Variants in AGBL4 observed in about 807,000 individuals in gnomAD.
AGBL4 encodes cytosolic carboxypeptidase 6.
In AGBL4, 58 loss-of-function variants were observed where a neutral mutation model predicts 66.4. The observed-to-expected ratio is 0.87, with a 90% CI of 0.71 to 1.09. The LOEUF is 1.09. AGBL4 is among the 50% of genes least tolerant of loss of function. AGBL4 has a pLI of 0.00. For synonymous variants in AGBL4, 234 were observed against 222.9 expected (o/e 1.05, Z -0.44); for missense variants, 579 against 631.0 (o/e 0.92, Z 0.88).
At chr1:48,858,827 G>A (rs1420908618) in intron 6 of AGBL4, among the ~76,000 whole-genome samples, 1 of 152,106 alleles carries the variant, frequency 6.6e-6, no homozygotes, top group Non-Finnish European at 1.5e-5. Context: ...TTTATGGCAT[G>A]TGAATTATAT....
intron 2 of AGBL4, chr1:49,842,001 G>A (rs761981798): frequency 1.3e-4 from 60 of 457,198 alleles, no homozygotes; most frequent in Non-Finnish European, 2.1e-4. Context: ...CCTCACACCC[G>A]GCCTCCTCTT....
At chr1:50,002,462 C>T (rs373374804) in intron 1 of AGBL4, among the ~76,000 whole-genome samples, 3 of 149,818 alleles carry the variant, frequency 2.0e-5, no homozygotes, top group African/African-American at 4.9e-5. Flanking sequence ...CTCCGCCTCC[C>T]GGGTTCACGC....
At chr1:49,875,249 G>A (rs1450720411) in intron 1 of AGBL4, among the ~76,000 whole-genome samples, 1 of 147,610 alleles carries the variant, frequency 6.8e-6, no homozygotes, top group Admixed American at 6.8e-5. Context: ...CTGGTGCGCT[G>A]CACCCACCAA....
chr1:49,415,122 T>C (rs1330484992), intron 3 of AGBL4, among the ~76,000 whole-genome samples: 2 of 151,880 alleles, frequency 1.3e-5, no homozygotes, highest in Non-Finnish European at 3.0e-5. Context: ...TCTTTCCTAC[T>C]TCTTCGCTAG....
At chr1:49,694,313 T>A (rs1646943689) in intron 3 of AGBL4, among the ~76,000 whole-genome samples, 2 of 152,150 alleles carry the variant, frequency 1.3e-5, no homozygotes. Flanking sequence ...AACTATTTTC[T>A]TTAACGTAGA....
At chr1:49,952,033 G>A (rs1656201899) in intron 1 of AGBL4, among the ~76,000 whole-genome samples, 1 of 151,826 alleles carries the variant, frequency 6.6e-6, no homozygotes. Flanking sequence ...TGTTTAATGG[G>A]TAAAGAGTTT....
intron 2 of AGBL4, among the ~76,000 whole-genome samples, chr1:49,836,088 G>A (rs1213803232): frequency 6.6e-6 from 1 of 152,052 alleles, no homozygotes; most frequent in Admixed American, 6.6e-5. Flanking sequence ...GTATCTTTGT[G>A]GTGTTCTCTG....
At chr1:49,771,534 CT>C (rs1431226371) in intron 2 of AGBL4, among the ~76,000 whole-genome samples, 1 of 151,990 alleles carries the variant, frequency 6.6e-6, no homozygotes, top group Non-Finnish European at 1.5e-5. Context: ...AGTTTTAAGT[CT>C]AATAACTATT....
At chr1:48,620,556 C>A (rs1338924725) in intron 9 of AGBL4, among the ~76,000 whole-genome samples, 2 of 152,160 alleles carry the variant, frequency 1.3e-5, no homozygotes, top group African/African-American at 4.8e-5. Context: ...AGCCACCATG[C>A]CTGGCCCAGT....
rs1300207825 is a variant in AGBL4 at position 48,595,781 on chromosome 1, C to T, written c.952-4796G>A. On this transcript the variant is annotated intron_variant, in intron 9 of 13. Coordinates refer to ENST00000371839, the MANE Select transcript of AGBL4 (RefSeq NM_032785.4). The stretch of plus-strand genomic sequence containing the variant: ...TTCTTTCTCTATTCTGAGCTGCTAC[C>T]CTGCTTCATCTCACTTGGCACAGGC... Among the ~76,000 whole-genome samples the T allele has an allele frequency of 2.0e-5, 3 of 152,146 alleles. No individual in the cohort carries two copies. In the East Asian group the frequency reaches 5.8e-4, roughly 29 times the overall value.
intron 5 of AGBL4, among the ~76,000 whole-genome samples, chr1:48,963,749 T>C (rs986087319): frequency 6.6e-6 from 1 of 152,162 alleles, no homozygotes; most frequent in East Asian, 1.9e-4. Flanking sequence ...TGCCTAACTA[T>C]TGAGGCTTGA....
At chr1:49,447,537 A>T (rs1646186768) in intron 3 of AGBL4, among the ~76,000 whole-genome samples, 1 of 152,114 alleles carries the variant, frequency 6.6e-6, no homozygotes. Flanking sequence ...TGCCACAGAC[A>T]CTTAGTTCTC....
chr1:49,466,520 A>G (rs1053807855), intron 3 of AGBL4, among the ~76,000 whole-genome samples: 8 of 151,838 alleles, frequency 5.3e-5, no homozygotes, highest in Non-Finnish European at 1.2e-4. Flanking sequence ...TGCCGAAACC[A>G]TCAGCCCTGT....
At chr1:49,708,667 G>A (rs1335475946) in intron 2 of AGBL4, among the ~76,000 whole-genome samples, 2 of 152,012 alleles carry the variant, frequency 1.3e-5, no homozygotes, top group Non-Finnish European at 2.9e-5. Context: ...TTTTTGCACT[G>A]GTTTTTCCTC....
chr1:48,918,761 T>C lies in AGBL4; in HGVS notation c.595-51531A>G, dbSNP rs896117157. 3.3e-5 allele frequency among the ~76,000 whole-genome samples: 5 copies of C among 152,184 alleles called. No individual in the cohort carries two copies. The South Asian group carries it at 8.3e-4, about 25-fold the overall frequency. On this transcript the variant is annotated intron_variant, in intron 5 of 13. Transcript: ENST00000371839. The stretch of plus-strand genomic sequence containing the variant: ...TGTCACCCAGTCTATGGTACTTCCA[T>C]AGTAGCCTGGACTAAGACAGTTGCT...
Position 48,663,225 on chromosome 1 carries a change from C to A in AGBL4, c.651G>T (p.Gly217=). The change falls in exon 7 of 14, where the codon GGG becomes GGT. Residue 217 remains glycine (G), a synonymous_variant. Transcript: ENST00000371839. ...TITSPDNLRE[G]AEQKVVFITG... ...TGATGAATACCACCTTCTGCTCTGC[C>A]CCTTCCCGGAGATTGTCTGTAAGAT... 1.2e-6 allele frequency: 2 copies of A among 1,613,862 alleles called. No homozygotes were observed. The highest frequency in any genetic ancestry group is 1.7e-6 in the Non-Finnish European group (2 of 1,179,864).
At chr1:48,860,556 C>T (rs1354594607) in intron 6 of AGBL4, among the ~76,000 whole-genome samples, 1 of 148,238 alleles carries the variant, frequency 6.7e-6, no homozygotes, top group African/African-American at 2.6e-5. Flanking sequence ...GGGTGGGGCT[C>T]TCCTGTCATG....
intron 3 of AGBL4, among the ~76,000 whole-genome samples, chr1:49,420,520 G>T (rs986137051): frequency 5.9e-5 from 9 of 152,050 alleles, no homozygotes; most frequent in African/African-American, 7.2e-5. Flanking sequence ...CAAACACGGT[G>T]AAACCCCGAC....
At chr1:49,061,672 A>T (rs1403366222) in intron 4 of AGBL4, among the ~76,000 whole-genome samples, 1 of 152,190 alleles carries the variant, frequency 6.6e-6, no homozygotes, top group Non-Finnish European at 1.5e-5. Context: ...ACTGAGATTG[A>T]CACAGAAGTC....
Sources: gnomAD v4.1 joint callset for allele counts (sites outside exome capture counted in the v4.1 genomes callset) on GRCh38, gnomAD v4.1.1 for gene constraint, MANE v1.5 for transcripts, NCBI Gene and HGNC (gene_info 2026-07-23, HGNC 2026-07-21) for gene names.